Variants in GJA5 observed in about 807,000 individuals in gnomAD.
GJA5 encodes the protein gap junction alpha-5 protein.
In GJA5, 3 loss-of-function variants were observed where a neutral mutation model predicts 7.9. The ratio of observed to expected loss-of-function variants is 0.38; its 90% CI spans 0.17 to 0.99. The LOEUF (loss-of-function observed/expected upper bound fraction) is 0.99. Among genes scored for constraint, GJA5 ranks in the 50% least tolerant of loss-of-function variants. The pLI, the probability that GJA5 is intolerant of heterozygous loss-of-function variation, is 0.38. For synonymous variants in GJA5, 193 were observed against 181.0 expected, an observed-to-expected ratio of 1.07 and a Z score of -0.53; for missense variants, 390 against 457.9, an observed-to-expected ratio of 0.85 and a Z score of 1.35.
At chr1:147,770,767 C>T (rs1158965060) in intron 1 of GJA5, among the ~76,000 whole-genome samples, 3 of 152,100 alleles carry the variant, frequency 2.0e-5, no homozygotes, top group Non-Finnish European at 4.4e-5. Flanking sequence ...TCTCAGTGGA[C>T]TGTTGAATAC....
rs1553227002 is a variant in GJA5 at position 147,758,832 on chromosome 1, C to T, written c.407G>A (p.Trp136Ter). The part of the protein sequence containing the change: ...PVAEKAELSC[W>*]EEGNGRIALQ... ...GGCAATCCTTCCATTCCCTTCCTCC[C>T]AGCAGGACAGTTCTGCCTTCTCTGC... Residue 136 changes from tryptophan (W) to a stop codon, truncating the protein, a stop_gained, in exon 2 of 2, where the codon TGG becomes TAG. Transcript: ENST00000579774. LOFTEE classifies it low-confidence loss of function (END_TRUNC). The T allele has an allele frequency of 1.2e-6, 2 of 1,614,220 alleles. No homozygotes were observed. The highest frequency in any genetic ancestry group is 4.5e-5 in the East Asian group (2 of 44,872).
chr1:147,764,477 T>C (rs1412058509), upstream of GJA5, among the ~76,000 whole-genome samples: 1 of 152,148 alleles, frequency 6.6e-6, no homozygotes, highest in Non-Finnish European at 1.5e-5. Flanking sequence ...ATGAGAACAG[T>C]ACCAAAGAGG....
chr1:147,765,269 G>A (rs1382052940), upstream of GJA5, among the ~76,000 whole-genome samples: 1 of 152,182 alleles, frequency 6.6e-6, no homozygotes, highest in Non-Finnish European at 1.5e-5. Flanking sequence ...TAACCACTCT[G>A]TGGGGTGATT....
At chr1:147,766,076 C>A (rs1664190725) in intron 1 of GJA5, among the ~76,000 whole-genome samples, 1 of 152,104 alleles carries the variant, frequency 6.6e-6, no homozygotes, top group Non-Finnish European at 1.5e-5. Flanking sequence ...ATTTCTGTGT[C>A]CCCCAAGTCA....
intron 1 of GJA5, among the ~76,000 whole-genome samples, chr1:147,769,339 A>T (rs587630076): frequency 1.3e-5 from 2 of 152,334 alleles, no homozygotes; most frequent in East Asian, 3.9e-4. Context: ...AGGCGGAGGA[A>T]CTTCCGGTCT....
At chr1:147,763,677 TTAGATAAGAGGAAGAGGGCCAGAGGAAGG>T (rs1319733256), upstream of GJA5, among the ~76,000 whole-genome samples, 1 of 152,188 alleles carries the variant, frequency 6.6e-6, no homozygotes, top group Non-Finnish European at 1.5e-5. Flanking sequence ...AACATGGTGC[TTAGATAAGAGGAAGAGGGCCAGAGGAAGG>T]ATTTTGTGTA....
At chr1:147,768,973 T>C in intron 1 of GJA5, among the ~76,000 whole-genome samples, 1 of 152,236 alleles carries the variant, frequency 6.6e-6, no homozygotes, top group South Asian at 2.1e-4. Context: ...AACTCCAGTC[T>C]CTTAACTCTC....
At chr1:147,765,821 A>G (rs782791422) in intron 1 of GJA5, among the ~76,000 whole-genome samples, 1 of 152,114 alleles carries the variant, frequency 6.6e-6, no homozygotes, top group Non-Finnish European at 1.5e-5. Flanking sequence ...ACAATTAGTA[A>G]TGTCCATGCT....
upstream of GJA5, among the ~76,000 whole-genome samples, chr1:147,764,823 CAAAA>C (rs10622801): frequency 2.5e-4 from 32 of 125,658 alleles, no homozygotes; most frequent in African/African-American, 9.4e-4. Context: ...GACTCCGTCT[CAAAA>C]AAAAAAAAAA....
chr1:147,763,718 A>G (rs1181017254), upstream of GJA5, among the ~76,000 whole-genome samples: 4 of 152,254 alleles, frequency 2.6e-5, no homozygotes, highest in Non-Finnish European at 2.9e-5. Context: ...TTTTGTGTAT[A>G]GTGAGCATGA....
chr1:147,760,996 C>T (rs138197170), upstream of GJA5, among the ~76,000 whole-genome samples: 16 of 152,222 alleles, frequency 1.1e-4, no homozygotes, highest in Middle Eastern at 6.8e-3. Flanking sequence ...CCTCACTTAG[C>T]CCCACCGCTT....
Position 147,758,808 on chromosome 1 carries a change from G to C in GJA5, c.431C>G (p.Ala144Gly). ...GGTGTTGAGCAGAGTGCCCTGGAGG[G>C]CAATCCTTCCATTCCCTTCCTCCCA... is the stretch of plus-strand genomic sequence containing the variant. ...SCWEEGNGRI[A>G]LQGTLLNTYV... The change falls in exon 2 of 2, where the codon GCC becomes GGC. Residue 144 changes from alanine to glycine, a missense_variant. This residue lies in a region of GJA5 where 354 missense variants were observed against 370.9 expected (regional missense o/e 0.95). Transcript: ENST00000579774. 1 of 1,614,162 alleles carries C rather than the reference G, an allele frequency of 6.2e-7. No homozygotes were observed. Among genetic ancestry groups the C allele is most frequent in the African/African-American group, 1.3e-5 (1 of 75,052 alleles).
At chr1:147,760,019 A>C (rs1663929530) in intron 1 of GJA5, among the ~76,000 whole-genome samples, 1 of 152,148 alleles carries the variant, frequency 6.6e-6, no homozygotes, top group Non-Finnish European at 1.5e-5. Flanking sequence ...GGTGGCAAAC[A>C]AAAAGTGTGC....
At chr1:147,767,293 C>T (rs1394622903) in intron 1 of GJA5, among the ~76,000 whole-genome samples, 1 of 152,124 alleles carries the variant, frequency 6.6e-6, no homozygotes, top group African/African-American at 2.4e-5. Flanking sequence ...AAATAACACT[C>T]ACTGACACCT....
chr1:147,759,838 A>G (rs1347212748), intron 1 of GJA5, among the ~76,000 whole-genome samples: 2 of 152,186 alleles, frequency 1.3e-5, no homozygotes, highest in African/African-American at 4.8e-5. Flanking sequence ...TCATTCCACA[A>G]CTGTTCCAAA....
chr1:147,767,255 C>T (rs1038495672), intron 1 of GJA5, among the ~76,000 whole-genome samples: 3 of 152,070 alleles, frequency 2.0e-5, no homozygotes, highest in Admixed American at 2.0e-4. Flanking sequence ...GAATTTGGAT[C>T]TAGGTGATAA....
chr1:147,767,914 T>C (rs1317276180), intron 1 of GJA5, among the ~76,000 whole-genome samples: 1 of 152,232 alleles, frequency 6.6e-6, no homozygotes, highest in Non-Finnish European at 1.5e-5. Flanking sequence ...ATTGAGATCA[T>C]TGTTCGGATA....
At position 147,758,441 on chromosome 1, in the gene GJA5, G is replaced by T. The variant is rs116155008; in HGVS notation, c.798C>A (p.Asp266Glu). The change falls in exon 2 of 2, where the codon GAC becomes GAA. Residue 266 changes from aspartate to glutamate, a missense_variant. Around this residue, in one of 2 missense-constraint regions of GJA5, gnomAD observed 354 missense variants for 370.9 expected, o/e 0.95. Coordinates refer to ENST00000579774, the MANE Select transcript of GJA5 (RefSeq NM_181703.4). ...GIVQSCTPPP[D>E]FNQCLENGPG... ...GGCCATTCTCCAGGCACTGATTAAA[G>T]TCGGGGGGTGGTGTGCAGCTCTGGA... 6.2e-7 allele frequency: 1 copy of T among 1,614,208 alleles called. No individual in the cohort carries two copies. Among genetic ancestry groups the T allele is most frequent in the Non-Finnish European group, 8.5e-7 (1 of 1,180,020 alleles).
rs587736364 is a variant in GJA5, at chr1:147,756,864, A to G, written c.*1298T>C. On this transcript the variant is annotated 3_prime_UTR_variant, in exon 2 of 2. Coordinates refer to ENST00000579774, the MANE Select transcript of GJA5 (RefSeq NM_181703.4). ...TCCCTGGGGAAGGCAAGGCTTTTCT[A>G]CAGCCCCCACTTGGCAGTCTCATTA... 6.6e-6 allele frequency: 1 copy of G among 152,362 alleles called. No homozygotes were observed. The highest frequency in any genetic ancestry group is 2.4e-5 in the African/African-American group (1 of 41,580). 9.4% of individuals were successfully genotyped at this position (152,362 alleles called of 1,614,324 possible).
Sources: gnomAD v4.1 joint callset for allele counts (sites outside exome capture counted in the v4.1 genomes callset) on GRCh38, gnomAD v4.1.1 for gene constraint, gnomAD v4.1.1 regional missense constraint, MANE v1.5 for transcripts, NCBI Gene and HGNC (gene_info 2026-07-23, HGNC 2026-07-21) for gene names.